Variants in PODNL1 observed in about 807,000 individuals in gnomAD.
PODNL1 encodes podocan like 1, also known as podocan-like protein 1.
A neutral mutation model predicts 45.1 loss-of-function variants in PODNL1; 50 were observed. That is an observed-to-expected ratio of 1.11 (90% CI 0.88 to 1.40). PODNL1 has a LOEUF of 1.40. PODNL1 is among the 40% of genes most tolerant of loss of function. The probability of loss-of-function intolerance (pLI) is 0.00; values close to 1 mark genes in which losing one functional copy is unlikely to be tolerated. For missense variants in PODNL1, 788 were observed against 793.3 expected, an observed-to-expected ratio of 0.99 and a Z score of 0.08; for synonymous variants, 406 against 372.5, an observed-to-expected ratio of 1.09 and a Z score of -1.04.
In PODNL1 at chr19:13,938,298, C is replaced by A; in HGVS notation, c.-117G>T. ...CCACCACCGCCCCCCATCTCCAGAC[C>A]CATGCCACCCCCCACAACAGCCTGT... On this transcript the variant is annotated 5_prime_UTR_variant, in exon 1 of 10. Coordinates refer to ENST00000588872, the MANE Select transcript of PODNL1 (RefSeq NM_001370095.3). 6.8e-7 allele frequency: 1 copy of A among 1,470,108 alleles called. No individual in the cohort carries two copies. The highest frequency in any genetic ancestry group is 9.0e-7 in the Non-Finnish European group (1 of 1,106,642). 91.1% of individuals were successfully genotyped at this position (1,470,108 alleles called of 1,614,324 possible).
rs144261976 is a variant in PODNL1, at chr19:13,933,394, C to T, written c.829G>A (p.Gly277Ser). 6.2e-6 allele frequency: 10 copies of T among 1,604,384 alleles called. No individual in the cohort carries two copies. The African/African-American group carries it at 6.7e-5, about 11-fold the overall frequency. The change falls in exon 8 of 10, where the codon GGC becomes AGC. Residue 277 changes from glycine (G) to serine (S), a missense_variant. Physicochemically the swap from Gly to Ser is moderately conservative, Grantham distance 56 (BLOSUM62 0). Coordinates refer to ENST00000588872, the MANE Select transcript of PODNL1 (RefSeq NM_001370095.3). The surrounding 1 kb of genome is among the most constrained non-coding windows in gnomAD (Gnocchi z 5.2). ...AGGATAGCCAGGGTCCGGGGCAGGCCGGCGGGCACTGTGGTCAGCTGGTTG... is the reference window on the plus strand; with the variant it reads ...AGGATAGCCAGGGTCCGGGGCAGGCTGGCGGGCACTGTGGTCAGCTGGTTG... ...SHNQLTTVPA[G>S]LPRTLAILHL...
At chr19:13,949,252 G>A (rs1000880519) in intron 1 of PODNL1, 2 of 151,968 alleles carry the variant, frequency 1.3e-5, no homozygotes, top group Non-Finnish European at 2.9e-5. Context: ...GAGCCACCGT[G>A]CCTGGCCCCT....
At position 13,934,336 on chromosome 19, in the gene PODNL1, A is replaced by C. The variant is rs1972173700; in HGVS notation, c.569T>G (p.Ile190Ser). 2 of 1,555,476 alleles carry C rather than the reference A, an allele frequency of 1.3e-6. No individual in the cohort carries two copies. The highest frequency in any genetic ancestry group is 2.5e-5 in the South Asian group (2 of 81,222). Reference sequence around the variant, plus strand: ...GTTGTTGGAGAGGCTGAGGGTGGCGATGGCCTCGGAGCCGCGGAAGGCGTC... The same window carrying C: ...GTTGTTGGAGAGGCTGAGGGTGGCGCTGGCCTCGGAGCCGCGGAAGGCGTC... Reference protein sequence around the residue: ...PPDAFRGSEAIATLSLSNNQL... With the variant: ...PPDAFRGSEASATLSLSNNQL... The change falls in exon 6 of 10, where the codon ATC becomes AGC. Residue 190 changes from isoleucine (I) to serine (S), a missense_variant. Physicochemically the swap from Ile to Ser is moderately radical, Grantham distance 142. Transcript: ENST00000588872.
Position 13,931,327 on chromosome 19 carries a change from T to G in PODNL1, c.*410A>C. The G allele has an allele frequency of 5.8e-6, 1 of 172,168 alleles. No individual in the cohort carries two copies. Among genetic ancestry groups the G allele is most frequent in the Non-Finnish European group, 1.2e-5 (1 of 81,778 alleles). The allele number at this position is 172,168 out of a possible 1,614,324, so 10.7% of individuals were successfully genotyped here. ...CGTGGCTAGGTCGCACAGGGTGCTG[T>G]TTGGTGACCCCAGTGTGTGCCTCAA... On this transcript the variant is annotated 3_prime_UTR_variant, in exon 10 of 10. Coordinates refer to ENST00000588872, the MANE Select transcript of PODNL1 (RefSeq NM_001370095.3).
chr19:13,942,949 C>T (rs578012330), upstream of PODNL1, among the ~76,000 whole-genome samples: 7 of 149,162 alleles, frequency 4.7e-5, no homozygotes, highest in Non-Finnish European at 7.4e-5. Flanking sequence ...TGCAGTGAGC[C>T]GCGATCACAC....
chr19:13,941,636 C>A (rs1972659113), upstream of PODNL1, among the ~76,000 whole-genome samples: 2 of 152,064 alleles, frequency 1.3e-5, no homozygotes, highest in Non-Finnish European at 2.9e-5. Flanking sequence ...CAAGGTGAAA[C>A]CCCGTCTCTA....
chr19:13,947,030 C>CA (rs538797196), intron 1 of PODNL1, among the ~76,000 whole-genome samples: 2,336 of 83,560 alleles, frequency 0.028, 26 homozygotes, highest in Middle Eastern at 0.11. Context: ...CAGCCTGTCT[C>CA]AAAAAAAAAA....
rs1181358017 is a variant in PODNL1, at chr19:13,938,287, C to A, written c.-106G>T. On this transcript the variant is annotated 5_prime_UTR_variant, in exon 1 of 10. The change abolishes an upstream ATG in the 5' untranslated region. Coordinates refer to ENST00000588872, the MANE Select transcript of PODNL1 (RefSeq NM_001370095.3). ...CTCTGCTGTGGCCACCACCGCCCCC[C>A]ATCTCCAGACCCATGCCACCCCCCA... is the stretch of plus-strand genomic sequence containing the variant. The A allele has an allele frequency of 6.7e-7, 1 of 1,492,064 alleles. No individual in the cohort carries two copies. Among genetic ancestry groups the A allele is most frequent in the South Asian group, 1.4e-5 (1 of 73,954 alleles). 92.4% of individuals were successfully genotyped at this position (1,492,064 alleles called of 1,614,324 possible).
At chr19:13,934,197 C>T (rs1972160251) in intron 6 of PODNL1, 57 bp downstream of exon 6, 6 of 1,470,596 alleles carry the variant, frequency 4.1e-6, no homozygotes, top group Admixed American at 2.6e-5. Flanking sequence ...CTGGAGGGGT[C>T]CCCCTGGAAA....
intron 1 of PODNL1, among the ~76,000 whole-genome samples, chr19:13,948,706 G>A (rs1972906905): frequency 7.0e-6 from 1 of 143,828 alleles, no homozygotes; most frequent in Admixed American, 7.2e-5. Flanking sequence ...CAAGGTGGGA[G>A]GATCACGAGG....
chr19:13,936,348 C>T lies in PODNL1; in HGVS notation c.319+19G>A. 1.2e-6 allele frequency: 2 copies of T among 1,600,462 alleles called. No homozygotes were observed. Among genetic ancestry groups the T allele is most frequent in the East Asian group, 2.2e-5 (1 of 44,828 alleles). ...CAGTCCTACAGCCCCAGAGAGGCCGCCTCCCTCTGCCCCCTCACCTTCGGA... is the reference window on the plus strand; with the variant it reads ...CAGTCCTACAGCCCCAGAGAGGCCGTCTCCCTCTGCCCCCTCACCTTCGGA... On this transcript the variant is annotated intron_variant, in intron 3 of 9. Transcript: ENST00000588872.
upstream of PODNL1, among the ~76,000 whole-genome samples, chr19:13,938,765 C>G (rs1012824899): frequency 7.2e-5 from 11 of 152,212 alleles, no homozygotes; most frequent in East Asian, 7.7e-4. Context: ...CTCCTCCCCC[C>G]GCAAATGGCC....
upstream of PODNL1, among the ~76,000 whole-genome samples, chr19:13,940,607 G>C (rs1972627110): frequency 6.6e-6 from 1 of 151,170 alleles, no homozygotes; most frequent in Non-Finnish European, 1.5e-5. Context: ...CGGGGGCCAG[G>C]CGCGGTAGCT....
In PODNL1 at chr19:13,937,965, CGGGG is replaced by C. The variant is rs768404328; in HGVS notation, c.41_44del (p.Pro14ArgfsTer136). 12 of 1,540,490 alleles carry C rather than the reference CGGGG, an allele frequency of 7.8e-6. No homozygotes were observed. The highest frequency in any genetic ancestry group is 2.0e-5 in the Admixed American group (1 of 50,628). The stretch of plus-strand genomic sequence containing the variant: ...CAGCGTCTTCCAAGCCGGCGACGGG[CGGGG>C]GCCCCGGCAACAGCAGGAGCAGCAG... On this transcript the variant is annotated frameshift_variant, in exon 2 of 10. Coordinates refer to ENST00000588872, the MANE Select transcript of PODNL1 (RefSeq NM_001370095.3). LOFTEE classifies it high-confidence loss of function.
At chr19:13,952,500 G>A (rs1438301067) in intron 1 of PODNL1, 5 of 1,250,360 alleles carry the variant, frequency 4.0e-6, no homozygotes, top group Non-Finnish European at 5.0e-6. Context: ...GGAAGTGGAG[G>A]GAGGGGGTGA....
Sources: allele counts gnomAD v4.1 joint callset (sites outside exome capture counted in the v4.1 genomes callset), GRCh38; gene constraint gnomAD v4.1.1; non-coding constraint Gnocchi (gnomAD v3.1); transcripts MANE v1.5; gene names NCBI Gene and HGNC (gene_info 2026-07-23, HGNC 2026-07-21).